FAM234B: variants seen among roughly 807,000 people sequenced by gnomAD.
FAM234B encodes the protein family with sequence similarity 234 member B.
In FAM234B, 33 loss-of-function variants were observed where a neutral mutation model predicts 69.3. The observed-to-expected ratio is 0.48, with a 90% CI of 0.36 to 0.64. FAM234B has a LOEUF of 0.64. Among genes scored for constraint, FAM234B ranks in the 30% least tolerant of loss-of-function variants. The pLI is 0.00. For missense variants in FAM234B, 697 were observed against 769.7 expected (o/e 0.91, Z 1.12); for synonymous variants, 306 against 306.9 (o/e 1.00, Z 0.03).
At chr12:13,065,747 G>A (rs945341367) in intron 5 of FAM234B, among the ~76,000 whole-genome samples, 1 of 152,118 alleles carries the variant, frequency 6.6e-6, no homozygotes, top group African/African-American at 2.4e-5. Flanking sequence ...TAGGAATGGG[G>A]CAATAGCACA....
chr12:13,080,720 A>G lies in FAM234B; in HGVS notation c.*90A>G. 8.6e-7 allele frequency: 1 copy of G among 1,159,100 alleles called. No individual in the cohort carries two copies. The highest frequency in any genetic ancestry group is 1.3e-6 in the Non-Finnish European group (1 of 781,454). 71.8% of individuals were successfully genotyped at this position (1,159,100 alleles called of 1,614,324 possible). ...CTGTAAAATCAGTTCTATGGAGAGAAGACTTCTTCGTCCTCATTTACCACC... is the reference window on the plus strand; with the variant it reads ...CTGTAAAATCAGTTCTATGGAGAGAGGACTTCTTCGTCCTCATTTACCACC... On this transcript the variant is annotated 3_prime_UTR_variant, in exon 13 of 13. Coordinates refer to ENST00000197268, the MANE Select transcript of FAM234B (RefSeq NM_020853.2).
In FAM234B at chr12:13,068,805, C is replaced by G. The variant is rs1047235256; in HGVS notation, c.1368+94C>G. On this transcript the variant is annotated intron_variant, in intron 9 of 12. Coordinates refer to ENST00000197268, the MANE Select transcript of FAM234B (RefSeq NM_020853.2). ...AGGCACAGCAGGGAATAAAAAGAAC[C>G]TAAAATATGATCTCTAACTTCAAAG... The G allele has an allele frequency of 5.2e-6, 4 of 766,724 alleles. No individual in the cohort carries two copies. In the African/African-American group the frequency reaches 7.0e-5, roughly 14 times the overall value. The allele number at this position is 766,724 out of a possible 1,614,324, so 47.5% of individuals were successfully genotyped here.
At chr12:13,046,954 C>T (rs1217994602) in intron 1 of FAM234B, among the ~76,000 whole-genome samples, 1 of 152,032 alleles carries the variant, frequency 6.6e-6, no homozygotes, top group African/African-American at 2.4e-5. Context: ...ACATATTTAC[C>T]TCCTAGGGTT....
At chr12:13,051,790 G>T (rs953152198) in intron 1 of FAM234B, among the ~76,000 whole-genome samples, 2 of 152,204 alleles carry the variant, frequency 1.3e-5, no homozygotes, top group African/African-American at 4.8e-5. Context: ...GAGCTGAGAA[G>T]AGTGGGGGAG....
chr12:13,067,218 C>T lies in FAM234B; in HGVS notation c.1064C>T (p.Pro355Leu). 1 of 1,614,018 alleles carries T rather than the reference C, an allele frequency of 6.2e-7. No individual in the cohort carries two copies. Among genetic ancestry groups the T allele is most frequent in the Non-Finnish European group, 8.5e-7 (1 of 1,179,888 alleles). ...FVQAQNRDSS[P>L]PSLQIEEPEW... ...CAGGCCCAAAATCGAGACAGCTCAC[C>T]ACCTTCTCTGCAGATAGAAGAGCCA... The change falls in exon 7 of 13, where the codon CCA (proline) becomes CTA (leucine). Residue 355 changes from proline (P) to leucine (L), a missense_variant. Physicochemically the swap from Pro to Leu is moderately conservative, Grantham distance 98. Around this residue, in one of 3 missense-constraint regions of FAM234B, gnomAD observed 380 missense variants for 447.1 expected, o/e 0.85. Transcript: ENST00000197268. This position sits in a 1 kb window ranked among gnomAD's most constrained non-coding sequence, Gnocchi z 4.7.
At chr12:13,051,546 C>G (rs1864876670) in intron 1 of FAM234B, among the ~76,000 whole-genome samples, 1 of 152,218 alleles carries the variant, frequency 6.6e-6, no homozygotes, top group African/African-American at 2.4e-5. Context: ...CTCTCAAGAT[C>G]TTACGTTATA....
At chr12:13,056,045 T>C (rs1864927820) in intron 2 of FAM234B, 99 bp downstream of exon 2, 15 of 1,273,302 alleles carry the variant, frequency 1.2e-5, no homozygotes, top group South Asian at 1.8e-5. Flanking sequence ...ATATGTGTCA[T>C]GCGGCATTCC....
At chr12:13,063,219 G>A (rs1865002998) in intron 5 of FAM234B, among the ~76,000 whole-genome samples, 1 of 152,134 alleles carries the variant, frequency 6.6e-6, no homozygotes, top group African/African-American at 2.4e-5. Flanking sequence ...AGGTCTGTAT[G>A]CGAATTCCAC....
At chr12:13,048,018 GA>G (rs1000797126) in intron 1 of FAM234B, among the ~76,000 whole-genome samples, 31 of 151,354 alleles carry the variant, frequency 2.0e-4, no homozygotes, top group African/African-American at 5.3e-4. Flanking sequence ...TGCAGTATCT[GA>G]AAAAAAAATT....
intron 4 of FAM234B, chr12:13,062,582 A>G (rs1274981301): frequency 3.3e-6 from 1 of 306,436 alleles, no homozygotes; most frequent in Non-Finnish European, 6.1e-6. Flanking sequence ...TTTGTTGGAA[A>G]GGATTTAGCA....
chr12:13,068,771 C>A, intron 9 of FAM234B, 60 bp downstream of exon 9: 2 of 1,151,114 alleles, frequency 1.7e-6, no homozygotes, highest in Non-Finnish European at 2.6e-6. Flanking sequence ...TTGTGTCCAA[C>A]CCTGTGTTAG....
intron 1 of FAM234B, among the ~76,000 whole-genome samples, chr12:13,049,480 TGAGATAA>T (rs1198580937): frequency 6.6e-6 from 1 of 152,238 alleles, no homozygotes; most frequent in African/African-American, 2.4e-5. Flanking sequence ...ACCCCTGGTC[TGAGATAA>T]GACATTAAAA....
chr12:13,061,287 AG>A (rs1251735076), intron 3 of FAM234B, among the ~76,000 whole-genome samples: 2 of 152,194 alleles, frequency 1.3e-5, no homozygotes, highest in Non-Finnish European at 2.9e-5. Context: ...GTTGGGGCCG[AG>A]GTGGCAGACA....
At chr12:13,060,018 T>C (rs1351362086) in intron 3 of FAM234B, among the ~76,000 whole-genome samples, 1 of 152,248 alleles carries the variant, frequency 6.6e-6, no homozygotes, top group Non-Finnish European at 1.5e-5. Flanking sequence ...TATGTGTTAA[T>C]ACACCATTGT....
Position 13,082,881 on chromosome 12 carries a change from T to G in FAM234B, c.*2251T>G, listed in dbSNP as rs1056696664. On this transcript the variant is annotated 3_prime_UTR_variant, in exon 13 of 13. Coordinates refer to ENST00000197268, the MANE Select transcript of FAM234B (RefSeq NM_020853.2). ...AAGAGGAAGCTAGAGAAACTTAATG[T>G]ACCTGAATTCTTCATGGTGTATTTG... is the stretch of plus-strand genomic sequence containing the variant. 1 of 152,236 alleles carries G rather than the reference T, an allele frequency of 6.6e-6. No homozygotes were observed. The highest frequency in any genetic ancestry group is 1.5e-5 in the Non-Finnish European group (1 of 68,036). 9.4% of individuals were successfully genotyped at this position (152,236 alleles called of 1,614,324 possible). A position where few individuals can be genotyped will look rare whatever the true frequency, so the allele number is the denominator to read the frequency against.
intron 9 of FAM234B, among the ~76,000 whole-genome samples, chr12:13,070,398 A>C (rs1295211158): frequency 6.6e-6 from 1 of 151,966 alleles, no homozygotes; most frequent in Non-Finnish European, 1.5e-5. Flanking sequence ...GAGCATAGGC[A>C]GAGAAAGGCA....
In FAM234B at chr12:13,081,264, T is replaced by A. The variant is rs1865223339; in HGVS notation, c.*634T>A. On this transcript the variant is annotated 3_prime_UTR_variant, in exon 13 of 13. Transcript: ENST00000197268. Reference sequence around the variant, plus strand: ...TCCAAGCATTTTCATCTCTCTTGTTTTATATCCTATTTCCTTAGATTTTCC... The same window carrying A: ...TCCAAGCATTTTCATCTCTCTTGTTATATATCCTATTTCCTTAGATTTTCC... The A allele has an allele frequency of 6.6e-6, 1 of 152,246 alleles. No individual in the cohort carries two copies. Among genetic ancestry groups the A allele is most frequent in the African/African-American group, 2.4e-5 (1 of 41,456 alleles). The allele number at this position is 152,246 out of a possible 1,614,324, so 9.4% of individuals were successfully genotyped here. A position where few individuals can be genotyped will look rare whatever the true frequency, so the allele number is the denominator to read the frequency against.
chr12:13,058,412 C>T (rs1201516940), intron 2 of FAM234B, 39 bp from the exon 3 acceptor site: 2 of 1,560,484 alleles, frequency 1.3e-6, no homozygotes, highest in Non-Finnish European at 1.8e-6. Context: ...TTTGTGGTAA[C>T]TTGCTCAGGA....
intron 10 of FAM234B, among the ~76,000 whole-genome samples, chr12:13,075,084 T>C (rs1007294589): frequency 8.5e-5 from 13 of 152,230 alleles, no homozygotes; most frequent in Admixed American, 1.3e-4. Flanking sequence ...CTGATAAAGA[T>C]AGTCCCAATG....
Sources: allele counts gnomAD v4.1 joint callset (sites outside exome capture counted in the v4.1 genomes callset), GRCh38; gene constraint gnomAD v4.1.1; regional missense constraint gnomAD v4.1.1; non-coding constraint Gnocchi (gnomAD v3.1); transcripts MANE v1.5; gene names NCBI Gene and HGNC (gene_info 2026-07-23, HGNC 2026-07-21).